Variants in DYM observed in about 807,000 individuals in gnomAD.
The protein encoded by DYM is dymeclin.
In DYM, 78 loss-of-function variants were observed where a neutral mutation model predicts 93.1. The observed-to-expected ratio is 0.84, with a 90% CI of 0.70 to 1.01. The LOEUF (loss-of-function observed/expected upper bound fraction) is 1.01. Ranked by LOEUF, DYM falls within the 50% of genes least tolerant of loss-of-function variation. DYM has a pLI of 0.00. For missense variants in DYM, 789 were observed against 845.0 expected, an observed-to-expected ratio of 0.93 and a Z score of 0.82; for synonymous variants, 321 against 319.7, an observed-to-expected ratio of 1.00 and a Z score of -0.04.
chr18:49,287,168 CAG>C (rs2059719856), intron 8 of DYM, among the ~76,000 whole-genome samples: 1 of 151,990 alleles, frequency 6.6e-6, no homozygotes, highest in Non-Finnish European at 1.5e-5. Flanking sequence ...GGCTGGGCAA[CAG>C]AGTGAGACTC....
intron 17 of DYM, among the ~76,000 whole-genome samples, chr18:49,051,880 G>A (rs1353334264): frequency 2.0e-5 from 3 of 152,216 alleles, no homozygotes; most frequent in South Asian, 4.1e-4. Context: ...AGCGGGTAGA[G>A]AGAGCAGCGT....
intron 9 of DYM, among the ~76,000 whole-genome samples, chr18:49,285,276 G>A (rs895794956): frequency 2.0e-5 from 3 of 152,314 alleles, no homozygotes; most frequent in South Asian, 4.1e-4. Context: ...ATTTAGCCAC[G>A]TCTATAAGAA....
chr18:49,442,950 C>T (rs117503070), intron 1 of DYM, among the ~76,000 whole-genome samples: 2,460 of 151,722 alleles, frequency 0.016, 25 homozygotes, highest in South Asian at 0.049. Context: ...CTTTGCCTCC[C>T]GGGTTCAAGC....
chr18:49,426,116 A>G (rs1365332618), intron 2 of DYM, among the ~76,000 whole-genome samples: 1 of 152,106 alleles, frequency 6.6e-6, no homozygotes, highest in African/African-American at 2.4e-5. Flanking sequence ...TTGTGGCACT[A>G]TTCACAATAG....
intron 9 of DYM, among the ~76,000 whole-genome samples, chr18:49,283,820 C>T (rs1342263902): frequency 6.6e-6 from 1 of 152,156 alleles, no homozygotes; most frequent in Non-Finnish European, 1.5e-5. Flanking sequence ...CTCTCAGATT[C>T]TCCTTCCTAA....
chr18:49,210,512 A>T (rs987667592), intron 13 of DYM, among the ~76,000 whole-genome samples: 2 of 152,212 alleles, frequency 1.3e-5, no homozygotes, highest in African/African-American at 4.8e-5. Flanking sequence ...AACTATGGAG[A>T]CAGCAAAAAG....
chr18:49,339,427 A>G (rs540904692), intron 6 of DYM, among the ~76,000 whole-genome samples: 3 of 152,322 alleles, frequency 2.0e-5, no homozygotes, highest in East Asian at 3.9e-4. Flanking sequence ...AGCTTACAAC[A>G]TAACTACGAT....
chr18:49,235,775 G>GA (rs5824781), intron 13 of DYM, among the ~76,000 whole-genome samples: 147,103 of 148,508 alleles, frequency 0.99, 72,858 homozygotes, highest in East Asian at 1. Context: ...CACTGTGAAA[G>GA]AAAAAAAAAA....
At chr18:49,045,509 C>T (rs943020022) in intron 17 of DYM, among the ~76,000 whole-genome samples, 8 of 152,206 alleles carry the variant, frequency 5.3e-5, no homozygotes, top group Non-Finnish European at 1.0e-4. Flanking sequence ...ATTCTTCATT[C>T]TACTGACTAT....
At chr18:49,441,271 A>G (rs1337652479) in intron 1 of DYM, among the ~76,000 whole-genome samples, 1 of 39,376 alleles carries the variant, frequency 2.5e-5, no homozygotes, top group Non-Finnish European at 4.5e-5. Flanking sequence ...ATTATATAAT[A>G]TATATTATAT....
chr18:49,233,403 G>GA (rs1051792774), intron 13 of DYM, among the ~76,000 whole-genome samples: 2 of 147,598 alleles, frequency 1.4e-5, no homozygotes, highest in Non-Finnish European at 1.5e-5. Flanking sequence ...ACAGTCAGAT[G>GA]AAAAAAAAAG....
chr18:49,103,294 T>G (rs2080390756), intron 16 of DYM, among the ~76,000 whole-genome samples: 1 of 152,218 alleles, frequency 6.6e-6, no homozygotes, highest in African/African-American at 2.4e-5. Context: ...TTGAGTTCAT[T>G]GTAGATTCTG....
At position 49,044,212 on chromosome 18, in the gene DYM, G is replaced by GA; in HGVS notation, c.2026-9dup. The GA allele has an allele frequency of 6.2e-7, 1 of 1,614,074 alleles. No individual in the cohort carries two copies. Among genetic ancestry groups the GA allele is most frequent in the Non-Finnish European group, 8.5e-7 (1 of 1,179,954 alleles). On this transcript the variant is annotated splice_polypyrimidine_tract_variant and intron_variant, in intron 17 of 17. Transcript: ENST00000675505. ...TTTCAATTCTGGAAATTTCTGCAAT[G>GA]AAAATAAGATGATTTTATAATCCCA...
intron 6 of DYM, among the ~76,000 whole-genome samples, chr18:49,350,458 A>T (rs1750329786): frequency 6.6e-6 from 1 of 152,210 alleles, no homozygotes; most frequent in Non-Finnish European, 1.5e-5. Flanking sequence ...CTGTAATCCC[A>T]GCACTTTGGG....
At chr18:49,273,002 C>T in intron 10 of DYM, among the ~76,000 whole-genome samples, 1 of 148,010 alleles carries the variant, frequency 6.8e-6, no homozygotes, top group East Asian at 2.1e-4. Flanking sequence ...CCACTGAATG[C>T]TAGAAAACAG....
chr18:49,119,003 T>A, intron 15 of DYM, 77 bp from the exon 16 acceptor site: 1 of 1,216,424 alleles, frequency 8.2e-7, no homozygotes, highest in Non-Finnish European at 1.2e-6. Context: ...TAAGAGTAAT[T>A]CCCTCAAAAT....
At chr18:49,295,369 A>ATG (rs2060457207) in intron 8 of DYM, among the ~76,000 whole-genome samples, 1 of 152,218 alleles carries the variant, frequency 6.6e-6, no homozygotes, top group East Asian at 1.9e-4. Context: ...TTCTTGAAGC[A>ATG]ACAAAATATG....
Position 49,097,423 on chromosome 18 carries a change from C to T in DYM, c.2004G>A (p.Ala668=), listed in dbSNP as rs770269902. 26 of 1,613,982 alleles carry T rather than the reference C, an allele frequency of 1.6e-5. No individual in the cohort carries two copies. The East Asian group carries it at 2.2e-4, about 14-fold the overall frequency. ...VLEIIKQGVV[A]LPKDRLKKFP... The stretch of plus-strand genomic sequence containing the variant: ...TTACCTTCAGTCTGTCTTTGGGCAG[C>T]GCAACGACGCCTTGCTTAATGATTT... Residue 668 remains alanine (A), a synonymous_variant, in exon 17 of 18, where the codon GCG becomes GCA. Coordinates refer to ENST00000675505, the MANE Select transcript of DYM (RefSeq NM_001353214.3).
rs371282045 is a variant in DYM at position 49,302,512 on chromosome 18, C to A, written c.764-15896G>T. On this transcript the variant is annotated intron_variant, in intron 8 of 17. Coordinates refer to ENST00000675505, the MANE Select transcript of DYM (RefSeq NM_001353214.3). ...ATTATATAATTTCTAAATCAATTAA[C>A]CTAAATCAGGGGTGCTGCTTTAAAA... Among the ~76,000 whole-genome samples, 21 of 152,178 alleles carry A rather than the reference C, an allele frequency of 1.4e-4. No homozygotes were observed. In the South Asian group the frequency reaches 4.1e-3, roughly 30 times the overall value.
Sources: gnomAD v4.1 joint callset for allele counts (sites outside exome capture counted in the v4.1 genomes callset) on GRCh38, gnomAD v4.1.1 for gene constraint, MANE v1.5 for transcripts, NCBI Gene and HGNC (gene_info 2026-07-23, HGNC 2026-07-21) for gene names.